Variants in STOX2 observed in about 807,000 individuals in gnomAD.
STOX2 encodes storkhead box 2.
A neutral mutation model predicts 60.9 loss-of-function variants in STOX2; 28 were observed. The ratio of observed to expected loss-of-function variants is 0.46; its 90% CI spans 0.34 to 0.63. STOX2 has a LOEUF of 0.63. STOX2 is among the 30% of genes least tolerant of loss of function. The pLI, the probability that STOX2 is intolerant of heterozygous loss-of-function variation, is 0.01. For missense variants in STOX2, 1,024 were observed against 1,187.7 expected (o/e 0.86, Z 2.03); for synonymous variants, 472 against 463.9 (o/e 1.02, Z -0.22).
At chr4:183,964,116 G>C (rs569550526) in intron 1 of STOX2, among the ~76,000 whole-genome samples, 3 of 152,190 alleles carry the variant, frequency 2.0e-5, no homozygotes, top group Non-Finnish European at 4.4e-5. Flanking sequence ...ATAGAGACTA[G>C]TCTGAAATGT....
intron 1 of STOX2, among the ~76,000 whole-genome samples, chr4:183,919,284 G>C (rs978749299): frequency 6.6e-6 from 1 of 152,224 alleles, no homozygotes; most frequent in Admixed American, 6.5e-5. Context: ...TGGCCTAAGG[G>C]CCAGAAGTGG....
intron 1 of STOX2, among the ~76,000 whole-genome samples, chr4:183,986,616 G>A (rs540226581): frequency 1.5e-3 from 224 of 152,400 alleles, no homozygotes; most frequent in African/African-American, 4.9e-3. Context: ...AGCTAGAGAA[G>A]AGCTGATCTG....
chr4:183,823,496 C>A (rs979719965), intron 1 of STOX2, among the ~76,000 whole-genome samples: 1 of 152,226 alleles, frequency 6.6e-6, no homozygotes, highest in African/African-American at 2.4e-5. Flanking sequence ...CAAACTGTTA[C>A]ACAATAAAAG....
chr4:183,902,224 A>G (rs1207243180), upstream of STOX2, among the ~76,000 whole-genome samples: 1 of 152,200 alleles, frequency 6.6e-6, no homozygotes, highest in Non-Finnish European at 1.5e-5. Flanking sequence ...AATTCATTCA[A>G]CTGTAGCAAA....
intron 1 of STOX2, among the ~76,000 whole-genome samples, chr4:183,858,633 C>T (rs1031151409): frequency 3.9e-5 from 6 of 151,914 alleles, no homozygotes; most frequent in East Asian, 3.9e-4. Context: ...AAGGGAGGGA[C>T]GGGAAAACCA....
chr4:183,863,366 A>C (rs1740494524), intron 1 of STOX2, among the ~76,000 whole-genome samples: 1 of 152,234 alleles, frequency 6.6e-6, no homozygotes, highest in Non-Finnish European at 1.5e-5. Flanking sequence ...GCCAGCTGAG[A>C]GAGCTGCTAT....
intron 1 of STOX2, among the ~76,000 whole-genome samples, chr4:183,940,091 C>T (rs1009856198): frequency 6.6e-6 from 1 of 152,080 alleles, no homozygotes. Flanking sequence ...TTAGTAGATT[C>T]GGGGTTTCGC....
chr4:184,000,265 A>G (rs757191216), intron 1 of STOX2, among the ~76,000 whole-genome samples: 3 of 152,212 alleles, frequency 2.0e-5, no homozygotes, highest in Non-Finnish European at 4.4e-5. Flanking sequence ...GCACTGTGGT[A>G]TAAAGACTTG....
chr4:184,010,484 C>T lies in STOX2; in HGVS notation c.1646C>T (p.Thr549Ile). The T allele has an allele frequency of 1.9e-6, 3 of 1,613,884 alleles. No individual in the cohort carries two copies. The highest frequency in any genetic ancestry group is 2.5e-6 in the Non-Finnish European group (3 of 1,179,860). ...CTCCAAAGGGCTCACATTTCGTCCA[C>T]AAGCTATAAAGAGGTGTGTATTCCA... The part of the protein sequence containing the change: ...VSLQRAHISS[T>I]SYKEVCIPEI... Residue 549 changes from threonine to isoleucine, a missense_variant, in exon 3 of 4, where the codon ACA (threonine) becomes ATA (isoleucine). Coordinates refer to ENST00000308497, the MANE Select transcript of STOX2 (RefSeq NM_020225.3). The surrounding 1 kb of genome is among the most constrained non-coding windows in gnomAD (Gnocchi z 4.5).
chr4:183,832,971 G>A (rs942382652), intron 1 of STOX2, among the ~76,000 whole-genome samples: 3 of 152,194 alleles, frequency 2.0e-5, no homozygotes, highest in African/African-American at 4.8e-5. Context: ...GTTACAGCAT[G>A]CTGATGTTTT....
chr4:183,874,678 A>G (rs10030959), intron 1 of STOX2, among the ~76,000 whole-genome samples: 75,967 of 150,454 alleles, frequency 0.5, 19,842 homozygotes, highest in East Asian at 0.58. Context: ...TGTAATCCCA[A>G]CACTTTGGGA....
chr4:183,839,817 T>C (rs1312782170), intron 1 of STOX2, among the ~76,000 whole-genome samples: 1 of 152,192 alleles, frequency 6.6e-6, no homozygotes. Flanking sequence ...GTTGTGCAGA[T>C]TGCATGAGTA....
At chr4:184,005,000 C>T (rs944323131) in intron 2 of STOX2, among the ~76,000 whole-genome samples, 3 of 152,194 alleles carry the variant, frequency 2.0e-5, no homozygotes, top group Admixed American at 6.5e-5. Context: ...GTCTCCCATT[C>T]GTCTCCTTAT....
At chr4:183,949,195 A>G (rs1272232032) in intron 1 of STOX2, among the ~76,000 whole-genome samples, 1 of 152,208 alleles carries the variant, frequency 6.6e-6, no homozygotes. Context: ...AAGAGGAAGA[A>G]ACAATAAGAG....
chr4:183,967,345 A>G (rs146368809), intron 1 of STOX2, among the ~76,000 whole-genome samples: 1 of 151,320 alleles, frequency 6.6e-6, no homozygotes, highest in African/African-American at 2.4e-5. Context: ...CAGCCTGGGC[A>G]ACAAGAGCGA....
intron 1 of STOX2, among the ~76,000 whole-genome samples, chr4:183,948,411 C>G (rs957021827): frequency 9.2e-5 from 14 of 151,660 alleles, no homozygotes; most frequent in Non-Finnish European, 1.5e-4. Flanking sequence ...TCCAGTAGCT[C>G]CATATTTCTA....
chr4:183,803,799 C>T (rs1328090491), intron 1 of STOX2, among the ~76,000 whole-genome samples: 1 of 152,066 alleles, frequency 6.6e-6, no homozygotes, highest in Non-Finnish European at 1.5e-5. Flanking sequence ...CCTGTCTCTA[C>T]TAAAAACACA....
chr4:183,839,999 A>AGGATTTCTTTGTTTTTG (rs1166933218), intron 1 of STOX2, among the ~76,000 whole-genome samples: 3 of 152,104 alleles, frequency 2.0e-5, no homozygotes, highest in Non-Finnish European at 4.4e-5. Flanking sequence ...TGGTCTGTGA[A>AGGATTTCTTTGTTTTTG]CACTCAGCGT....
intron 1 of STOX2, among the ~76,000 whole-genome samples, chr4:183,957,207 C>T (rs1743277178): frequency 6.6e-6 from 1 of 150,716 alleles, no homozygotes; most frequent in African/African-American, 2.4e-5. Context: ...CTGGGAGGCA[C>T]GTGGTGGCTT....
Sources: allele counts gnomAD v4.1 joint callset (sites outside exome capture counted in the v4.1 genomes callset), GRCh38; gene constraint gnomAD v4.1.1; non-coding constraint Gnocchi (gnomAD v3.1); transcripts MANE v1.5; gene names NCBI Gene and HGNC (gene_info 2026-07-23, HGNC 2026-07-21).